Variants in PUM1 observed in about 807,000 individuals in gnomAD.
The protein encoded by PUM1 is pumilio homolog 1.
PUM1 carries 13 observed loss-of-function variants against 131.8 expected under a neutral mutation model. The ratio of observed to expected loss-of-function variants is 0.10; its 90% CI spans 0.06 to 0.16. The LOEUF is 0.16. PUM1 is among the 10% of genes least tolerant of loss of function. The pLI is 1.00. For synonymous variants in PUM1, 509 were observed against 556.5 expected (o/e 0.91, Z 1.20); for missense variants, 961 against 1,512.4 (o/e 0.64, Z 6.05).
At chr1:30,950,375 T>C in intron 16 of PUM1, 114 bp from the exon 17 acceptor site, 1 of 1,046,252 alleles carries the variant, frequency 9.6e-7, no homozygotes, top group East Asian at 2.6e-5. Context: ...TTAGCCCTGA[T>C]ACCCATGATT....
chr1:31,007,092 G>C lies in PUM1; in HGVS notation c.443C>G (p.Pro148Arg). 1 of 1,612,308 alleles carries C rather than the reference G, an allele frequency of 6.2e-7. No individual in the cohort carries two copies. Among genetic ancestry groups the C allele is most frequent in the East Asian group, 2.2e-5 (1 of 44,858 alleles). Residue 148 changes from proline to arginine, a missense_variant, in exon 4 of 22, where the codon CCA becomes CGA. Physicochemically the swap from Pro to Arg is moderately radical, Grantham distance 103. Transcript: ENST00000426105. ...EGRAMGEQLL[P>R]GKKFWETDES... Reference sequence around the variant, plus strand: ...ATCTGTTTCCCAAAACTTTTTACCTGGCAAGAGCTGCTGCAAATTAAAAAT... The same window carrying C: ...ATCTGTTTCCCAAAACTTTTTACCTCGCAAGAGCTGCTGCAAATTAAAAAT...
Position 30,966,198 on chromosome 1 carries a change from C to T in PUM1, c.1870G>A (p.Gly624Arg). The change falls in exon 13 of 22, where the codon GGA (glycine) becomes AGA (arginine). Residue 624 changes from glycine to arginine, a missense_variant. Coordinates refer to ENST00000426105, the MANE Select transcript of PUM1 (RefSeq NM_001020658.2). ...GGCTGGGGCTGAGGCTGCTGTGTTC[C>T]TAAAGGGCGAAATGGTCCATTTGTT... ...GTTNGPFRPLGTQQPQPQPQQ... is the reference protein window; with the variant it reads ...GTTNGPFRPLRTQQPQPQPQQ... 6.2e-7 allele frequency: 1 copy of T among 1,614,016 alleles called. No homozygotes were observed. The highest frequency in any genetic ancestry group is 8.5e-7 in the Non-Finnish European group (1 of 1,179,982).
chr1:30,970,604 G>GT (rs1640837558), intron 10 of PUM1, among the ~76,000 whole-genome samples: 1 of 152,070 alleles, frequency 6.6e-6, no homozygotes, highest in African/African-American at 2.4e-5. Flanking sequence ...AGAGTCGGGG[G>GT]GCTGTACAGG....
At chr1:30,998,016 G>T (rs945385344) in intron 5 of PUM1, among the ~76,000 whole-genome samples, 1 of 152,142 alleles carries the variant, frequency 6.6e-6, no homozygotes, top group African/African-American at 2.4e-5. Context: ...AAAATACCGG[G>T]TTTTCTACTC....
At chr1:31,022,378 T>C (rs2124536202) in intron 3 of PUM1, among the ~76,000 whole-genome samples, 1 of 152,360 alleles carries the variant, frequency 6.6e-6, no homozygotes, top group South Asian at 2.1e-4. Flanking sequence ...GTAAGCAGCA[T>C]GTGGATCTTC....
At chr1:31,059,731 A>G (rs975431002) in intron 1 of PUM1, among the ~76,000 whole-genome samples, 154 bp from the exon 2 acceptor site, 2 of 152,188 alleles carry the variant, frequency 1.3e-5, no homozygotes, top group African/African-American at 4.8e-5. Context: ...ACTCAATACT[A>G]CCACTTCAGA....
chr1:31,039,622 T>A (rs1200172498), intron 2 of PUM1, among the ~76,000 whole-genome samples: 1 of 152,234 alleles, frequency 6.6e-6, no homozygotes, highest in East Asian at 1.9e-4. Context: ...GATGTTAGGC[T>A]GGACCCAGTG....
chr1:31,006,909 T>C, intron 4 of PUM1, 85 bp downstream of exon 4: 2 of 980,044 alleles, frequency 2.0e-6, no homozygotes, highest in East Asian at 2.4e-5. Flanking sequence ...ATGTCACTGA[T>C]GTAAAATTCA....
chr1:30,940,306 T>A (rs1468320518), intron 20 of PUM1, among the ~76,000 whole-genome samples: 1 of 152,062 alleles, frequency 6.6e-6, no homozygotes, highest in East Asian at 1.9e-4. Context: ...TGAAACCCTG[T>A]CTCTACAAAA....
chr1:30,948,187 A>C (rs965465768), intron 17 of PUM1, among the ~76,000 whole-genome samples: 1 of 152,206 alleles, frequency 6.6e-6, no homozygotes, highest in African/African-American at 2.4e-5. Flanking sequence ...AATTATAGGA[A>C]TGATGGGAAT....
At chr1:30,967,114 ATCAG>A in intron 12 of PUM1, 49 bp downstream of exon 12, 1 of 1,601,320 alleles carries the variant, frequency 6.2e-7, no homozygotes, top group Non-Finnish European at 8.5e-7. Flanking sequence ...GAATCTCACT[ATCAG>A]TCGCCACTTT....
chr1:31,010,874 C>T (rs1026285412), intron 3 of PUM1, among the ~76,000 whole-genome samples: 2 of 152,182 alleles, frequency 1.3e-5, no homozygotes, highest in African/African-American at 4.8e-5. Context: ...GCTTAAACAA[C>T]TGTCTTGTTT....
intron 2 of PUM1, among the ~76,000 whole-genome samples, chr1:31,030,861 C>T (rs1053810596): frequency 3.3e-5 from 5 of 152,166 alleles, no homozygotes; most frequent in Admixed American, 3.3e-4. Context: ...CAATACTATG[C>T]TACAAATGAG....
At chr1:31,031,612 GC>G (rs1359280572) in intron 2 of PUM1, among the ~76,000 whole-genome samples, 2 of 152,108 alleles carry the variant, frequency 1.3e-5, no homozygotes, top group Non-Finnish European at 2.9e-5. Flanking sequence ...CCACCAAGCT[GC>G]CCCCTGGCAG....
chr1:31,030,224 A>G (rs1374198018), intron 2 of PUM1, among the ~76,000 whole-genome samples: 2 of 151,658 alleles, frequency 1.3e-5, no homozygotes, highest in African/African-American at 4.8e-5. Context: ...AAAACAAAAC[A>G]AAAAAAAGAT....
intron 2 of PUM1, among the ~76,000 whole-genome samples, chr1:31,041,514 G>A (rs900025131): frequency 1.3e-5 from 2 of 152,128 alleles, no homozygotes; most frequent in Non-Finnish European, 2.9e-5. Flanking sequence ...AAGGTTGGAG[G>A]TGAACCTAGT....
At chr1:30,975,844 G>A (rs1432618647) in intron 9 of PUM1, among the ~76,000 whole-genome samples, 1 of 152,010 alleles carries the variant, frequency 6.6e-6, no homozygotes, top group Non-Finnish European at 1.5e-5. Context: ...CATTACGGGA[G>A]GCCAAGTTGG....
chr1:31,004,878 T>G (rs1243506589), intron 5 of PUM1, among the ~76,000 whole-genome samples: 1 of 152,226 alleles, frequency 6.6e-6, no homozygotes, highest in Non-Finnish European at 1.5e-5. Context: ...AGAAGGTGCT[T>G]CTGCTGTTCT....
chr1:30,949,219 C>G, intron 17 of PUM1: 1 of 408,162 alleles, frequency 2.5e-6, no homozygotes, highest in Non-Finnish European at 4.9e-6. Flanking sequence ...CCAACCAACC[C>G]CTCAATTGAG....
Sources: allele counts gnomAD v4.1 joint callset (sites outside exome capture counted in the v4.1 genomes callset), GRCh38; gene constraint gnomAD v4.1.1; transcripts MANE v1.5; gene names NCBI Gene and HGNC (gene_info 2026-07-23, HGNC 2026-07-21).